TTK: variants seen among roughly 807,000 people sequenced by gnomAD.
TTK encodes TTK protein kinase.
TTK carries 59 observed loss-of-function variants against 117.3 expected under a neutral mutation model. The ratio of observed to expected loss-of-function variants is 0.50; its 90% CI spans 0.41 to 0.62. The LOEUF (loss-of-function observed/expected upper bound fraction) is 0.62, where lower values mean the gene tolerates loss of function less well. TTK is among the 20% of genes least tolerant of loss of function. The probability of loss-of-function intolerance (pLI) is 0.00; values close to 1 mark genes in which losing one functional copy is unlikely to be tolerated. For synonymous variants in TTK, 302 were observed against 325.0 expected (o/e 0.93, Z 0.76); for missense variants, 921 against 989.4 (o/e 0.93, Z 0.93).
In TTK at chr6:80,037,980, A is replaced by C; in HGVS notation, c.2063A>C (p.Asn688Thr). Residue 688 changes from asparagine (N) to threonine (T), a missense_variant, in exon 18 of 22, where the codon AAT becomes ACT. Transcript: ENST00000369798. ...VVKDSQVGTV[N>T]YMPPEAIKDM... ...CTTGGCATATAGGTTGGCACAGTTA[A>C]TTATATGCCACCAGAAGCAATCAAA... The C allele has an allele frequency of 6.2e-7, 1 of 1,608,128 alleles. No homozygotes were observed. The highest frequency in any genetic ancestry group is 8.5e-7 in the Non-Finnish European group (1 of 1,176,638).
intron 10 of TTK, among the ~76,000 whole-genome samples, chr6:80,015,286 A>T (rs1327538143): frequency 6.6e-6 from 1 of 152,176 alleles, no homozygotes; most frequent in East Asian, 1.9e-4. Context: ...GCAGACTGTA[A>T]CATGGGTAGT....
Position 80,026,424 on chromosome 6 carries a change from A to T in TTK, c.1304A>T (p.Gln435Leu), listed in dbSNP as rs1183068671. 3 of 1,613,774 alleles carry T rather than the reference A, an allele frequency of 1.9e-6. No individual in the cohort carries two copies. In the South Asian group the frequency reaches 3.3e-5, roughly 18 times the overall value. The change falls in exon 12 of 22, where the codon CAG becomes CTG. Residue 435 changes from glutamine (Q) to leucine (L), a missense_variant. Physicochemically the swap from Gln to Leu is moderately radical, Grantham distance 113 (BLOSUM62 -2). Coordinates refer to ENST00000369798, the MANE Select transcript of TTK (RefSeq NM_003318.5). ...FEQPVFSVSKQSPPISTSKWF... is the reference protein window; with the variant it reads ...FEQPVFSVSKLSPPISTSKWF... The stretch of plus-strand genomic sequence containing the variant: ...CAACCTGTCTTTTCAGTTTCAAAAC[A>T]GTCACCACCAATATCAACATCTAAA...
chr6:80,011,619 A>G (rs1767158170), intron 6 of TTK, 71 bp downstream of exon 6: 5 of 1,533,686 alleles, frequency 3.3e-6, no homozygotes, highest in South Asian at 2.3e-5. Flanking sequence ...TAATGTAATT[A>G]CATGTATCTG....
At chr6:80,027,062 AAATG>A (rs1442491121) in intron 12 of TTK, among the ~76,000 whole-genome samples, 4 of 152,182 alleles carry the variant, frequency 2.6e-5, no homozygotes, top group Admixed American at 2.0e-4. Context: ...CTACAAAAGA[AAATG>A]AATGACATTT....
intron 11 of TTK, among the ~76,000 whole-genome samples, chr6:80,023,676 CAAAAT>C (rs1349907777): frequency 6.6e-6 from 1 of 152,082 alleles, no homozygotes; most frequent in Non-Finnish European, 1.5e-5. Context: ...TTTTCTGAAA[CAAAAT>C]AACTACAGTG....
chr6:80,039,286 A>C (rs979730719), intron 18 of TTK, among the ~76,000 whole-genome samples: 12 of 151,956 alleles, frequency 7.9e-5, no homozygotes, highest in Non-Finnish European at 7.4e-5. Context: ...TATTATTTCC[A>C]ATGGTCTTGT....
chr6:80,040,557 A>C, intron 20 of TTK, 49 bp from the exon 21 acceptor site: 1 of 1,508,164 alleles, frequency 6.6e-7, no homozygotes, highest in Non-Finnish European at 9.1e-7. Flanking sequence ...TTTACAATGG[A>C]CTTATATTTT....
intron 21 of TTK, among the ~76,000 whole-genome samples, chr6:80,041,287 G>A (rs1452140742): frequency 6.6e-6 from 1 of 151,540 alleles, no homozygotes; most frequent in African/African-American, 2.4e-5. Context: ...TAAAATTATG[G>A]GAACCTAAAC....
intron 9 of TTK, 36 bp from the exon 10 acceptor site, chr6:80,014,426 AT>A: frequency 6.4e-7 from 1 of 1,568,584 alleles, no homozygotes; most frequent in Non-Finnish European, 8.6e-7. Context: ...TAGTACTACT[AT>A]TTATGGGACT....
intron 14 of TTK, 31 bp downstream of exon 14, chr6:80,031,590 T>A: frequency 7.0e-7 from 1 of 1,422,866 alleles, no homozygotes; most frequent in Non-Finnish European, 9.4e-7. Context: ...ACGAAATAAA[T>A]AAAAATATTT....
intron 11 of TTK, among the ~76,000 whole-genome samples, chr6:80,023,947 T>C (rs1767536350): frequency 6.6e-6 from 1 of 152,206 alleles, no homozygotes; most frequent in Non-Finnish European, 1.5e-5. Context: ...ATAGATTGTA[T>C]CAAACCAGCA....
At chr6:80,041,950 G>A (rs917796099) in intron 21 of TTK, among the ~76,000 whole-genome samples, 169 bp from the exon 22 acceptor site, 4 of 151,518 alleles carry the variant, frequency 2.6e-5, no homozygotes, top group East Asian at 1.9e-4. Context: ...GCCAAGCTTC[G>A]TGTTTAAAAT....
chr6:80,030,585 A>G (rs1444693645), intron 13 of TTK, among the ~76,000 whole-genome samples: 3 of 152,142 alleles, frequency 2.0e-5, no homozygotes, highest in Non-Finnish European at 4.4e-5. Context: ...GAAAGGGAGC[A>G]AATGTCACAT....
At chr6:80,039,973 A>G in intron 19 of TTK, 101 bp downstream of exon 19, 2 of 1,093,382 alleles carry the variant, frequency 1.8e-6, no homozygotes, top group South Asian at 4.9e-5. Context: ...ATTCAAAAGA[A>G]TTGCTAACTG....
chr6:80,020,470 C>T (rs1041609663), intron 10 of TTK, among the ~76,000 whole-genome samples: 2 of 152,134 alleles, frequency 1.3e-5, no homozygotes, highest in African/African-American at 2.4e-5. Context: ...AATAACAGCA[C>T]ATTCAAAGCA....
rs139447444 is a variant in TTK, at chr6:80,014,165, C to G, written c.985-298C>G. On this transcript the variant is annotated intron_variant, in intron 9 of 21. Coordinates refer to ENST00000369798, the MANE Select transcript of TTK (RefSeq NM_003318.5). ...CTTTTTTCTTGTCATGAGGCATACT[C>G]TATGTTGAATTCAAACTTTCTAACC... 2.3e-3 allele frequency among the ~76,000 whole-genome samples: 344 copies of G among 152,248 alleles called. 1 individual carries two copies. The highest frequency in any genetic ancestry group is 6.8e-3 in the Middle Eastern group (2 of 294).
intron 12 of TTK, among the ~76,000 whole-genome samples, chr6:80,026,961 G>A (rs1398980511): frequency 6.6e-6 from 1 of 152,138 alleles, no homozygotes; most frequent in Non-Finnish European, 1.5e-5. Flanking sequence ...AGTTCTGGAG[G>A]TATTCAAAGG....
intron 10 of TTK, among the ~76,000 whole-genome samples, chr6:80,014,949 C>T (rs12528948): frequency 0.11 from 16,702 of 152,008 alleles, 1,244 homozygotes; most frequent in South Asian, 0.16. Flanking sequence ...GATACATGTT[C>T]TAGGGATATA....
chr6:80,033,326 C>T (rs537288759), intron 14 of TTK, among the ~76,000 whole-genome samples: 1 of 152,254 alleles, frequency 6.6e-6, no homozygotes, highest in East Asian at 1.9e-4. Flanking sequence ...TCAGTTAGGC[C>T]TTCCTTGCCC....
Sources: gnomAD v4.1 joint callset for allele counts (sites outside exome capture counted in the v4.1 genomes callset) on GRCh38, gnomAD v4.1.1 for gene constraint, MANE v1.5 for transcripts, NCBI Gene and HGNC (gene_info 2026-07-23, HGNC 2026-07-21) for gene names.